Variants in PARD3B observed in about 807,000 individuals in gnomAD.
PARD3B encodes partitioning defective 3 homolog B.
In PARD3B, 103 loss-of-function variants were observed where a neutral mutation model predicts 130.2. That is an observed-to-expected ratio of 0.79 (90% CI 0.67 to 0.93). PARD3B has a LOEUF of 0.93. Ranked by LOEUF, PARD3B falls within the 40% of genes least tolerant of loss-of-function variation. PARD3B has a pLI of 0.00. For synonymous variants in PARD3B, 583 were observed against 553.2 expected (o/e 1.05, Z -0.76); for missense variants, 1,609 against 1,499.2 (o/e 1.07, Z -1.21).
intron 2 of PARD3B, among the ~76,000 whole-genome samples, chr2:204,877,049 A>AATACT: frequency 6.6e-6 from 1 of 152,156 alleles, no homozygotes; most frequent in South Asian, 2.1e-4. Context: ...TGCACCATGG[A>AATACT]ATACTATGCA....
intron 1 of PARD3B, among the ~76,000 whole-genome samples, chr2:204,598,881 A>G (rs969503500): frequency 6.6e-6 from 1 of 151,848 alleles, no homozygotes; most frequent in African/African-American, 2.4e-5. Context: ...TTGGTAAGAG[A>G]TCCTGTCAAT....
At chr2:204,894,415 G>T (rs1214893106) in intron 2 of PARD3B, among the ~76,000 whole-genome samples, 2 of 151,360 alleles carry the variant, frequency 1.3e-5, no homozygotes, top group Non-Finnish European at 2.9e-5. Flanking sequence ...AACAAAACAT[G>T]AAAGATATTA....
intron 2 of PARD3B, among the ~76,000 whole-genome samples, chr2:204,913,993 G>A (rs887398781): frequency 5.9e-5 from 9 of 152,202 alleles, no homozygotes; most frequent in African/African-American, 2.2e-4. Context: ...TGTGCCCTCA[G>A]TAAGGGTCAG....
At chr2:204,934,698 C>T (rs1321389868) in intron 2 of PARD3B, among the ~76,000 whole-genome samples, 1 of 152,054 alleles carries the variant, frequency 6.6e-6, no homozygotes, top group South Asian at 2.1e-4. Context: ...TACACACTAA[C>T]ATGTAAAACT....
intron 3 of PARD3B, among the ~76,000 whole-genome samples, chr2:204,994,219 T>C (rs1693953969): frequency 7.5e-6 from 1 of 133,500 alleles, no homozygotes; most frequent in Non-Finnish European, 1.6e-5. Context: ...AGGCATTTAG[T>C]GCTATAAATT....
rs10707308 is a variant in PARD3B, at chr2:205,249,006, G to GTTTTTTTTTTTTTTTT, written c.2185+3190_2185+3205dup. 1.7e-4 allele frequency among the ~76,000 whole-genome samples: 16 copies of GTTTTTTTTTTTTTTTT among 95,100 alleles called. 1 individual carries two copies. The highest frequency in any genetic ancestry group is 7.5e-4 in the African/African-American group (16 of 21,474). 62.4% of individuals were successfully genotyped at this position (95,100 alleles called of 152,430 possible). ...TCAGAATATTTAGGTTAAAATAAGAGTTTTTTTTTTTTTTTTTTTTTGAGA... is the reference window on the plus strand; with the variant it reads ...TCAGAATATTTAGGTTAAAATAAGAGTTTTTTTTTTTTTTTTTTTTTTTTTTTTTTTTTTTTTGAGA... On this transcript the variant is annotated intron_variant, in intron 16 of 22. Coordinates refer to ENST00000406610, the MANE Select transcript of PARD3B (RefSeq NM_001302769.2).
intron 1 of PARD3B, among the ~76,000 whole-genome samples, chr2:204,556,522 G>C (rs2125049576): frequency 6.6e-6 from 1 of 152,274 alleles, no homozygotes; most frequent in East Asian, 1.9e-4. Flanking sequence ...CGTTTTGAAA[G>C]ATGATGAAGA....
Position 205,584,859 on chromosome 2 carries a change from GAA to G in PARD3B, c.3261-30594_3261-30593del, listed in dbSNP as rs555606281. 2.6e-5 allele frequency among the ~76,000 whole-genome samples: 4 copies of G among 151,988 alleles called. No individual in the cohort carries two copies. The highest frequency in any genetic ancestry group is 6.6e-5 in the Admixed American group (1 of 15,242). On this transcript the variant is annotated intron_variant, in intron 22 of 22. Coordinates refer to ENST00000406610, the MANE Select transcript of PARD3B (RefSeq NM_001302769.2). The surrounding 1 kb of genome is among the most constrained non-coding windows in gnomAD (Gnocchi z 5.5). ...TGTTCAGCCTGAGCCTTCTTTTTTG[GAA>G]AACACTTTTTTCCCCTTAGATTGTA...
intron 18 of PARD3B, among the ~76,000 whole-genome samples, chr2:205,342,178 A>G (rs2043566429): frequency 6.6e-6 from 1 of 152,208 alleles, no homozygotes; most frequent in Non-Finnish European, 1.5e-5. Context: ...TAGTATATTC[A>G]ATTAATATTT....
intron 21 of PARD3B, among the ~76,000 whole-genome samples, chr2:205,529,135 G>GT (rs1351779529): frequency 1.3e-5 from 2 of 152,180 alleles, no homozygotes; most frequent in Non-Finnish European, 2.9e-5. Flanking sequence ...ACACATAACT[G>GT]TTTATCAGAA....
rs529801851 is a variant in PARD3B, at chr2:205,286,161, G to C, written c.2186-14369G>C. Among the ~76,000 whole-genome samples, 326 of 151,180 alleles carry C rather than the reference G, an allele frequency of 2.2e-3. 2 individuals are homozygous for C. The highest frequency in any genetic ancestry group is 3.3e-3 in the Non-Finnish European group (222 of 67,738). On this transcript the variant is annotated intron_variant, in intron 16 of 22. Coordinates refer to ENST00000406610, the MANE Select transcript of PARD3B (RefSeq NM_001302769.2). Reference sequence around the variant, plus strand: ...ACAAAACAGTTTTTTTTTCTTTTTTGGGGGAGTATTAGCAGTGAACCAAGT... The same window carrying C: ...ACAAAACAGTTTTTTTTTCTTTTTTCGGGGAGTATTAGCAGTGAACCAAGT...
chr2:205,596,082 G>C (rs1049561350), intron 22 of PARD3B, among the ~76,000 whole-genome samples: 6 of 152,158 alleles, frequency 3.9e-5, no homozygotes, highest in Admixed American at 3.9e-4. Context: ...CTGGATTACA[G>C]CAAAAGGAGA....
intron 21 of PARD3B, among the ~76,000 whole-genome samples, chr2:205,541,398 G>T (rs1425102557): frequency 1.4e-5 from 2 of 147,504 alleles, no homozygotes; most frequent in East Asian, 4.0e-4. Context: ...GCCCAGGCTG[G>T]AATGCAATGG....
chr2:205,032,260 C>G (rs1473831569), intron 3 of PARD3B, among the ~76,000 whole-genome samples: 4 of 151,908 alleles, frequency 2.6e-5, no homozygotes, highest in African/African-American at 7.3e-5. Context: ...TGTAATGGGC[C>G]TATCTAGTAG....
In PARD3B at chr2:205,619,125, A is replaced by G. The variant is rs2055523250; in HGVS notation, c.*3312A>G. 1 of 152,194 alleles carries G rather than the reference A, an allele frequency of 6.6e-6. No individual in the cohort carries two copies. Among genetic ancestry groups the G allele is most frequent in the Non-Finnish European group, 1.5e-5 (1 of 68,042 alleles). 9.4% of individuals were successfully genotyped at this position (152,194 alleles called of 1,614,324 possible). A position where few individuals can be genotyped will look rare whatever the true frequency, so the allele number is the denominator to read the frequency against. On this transcript the variant is annotated 3_prime_UTR_variant, in exon 23 of 23. Transcript: ENST00000406610. The stretch of plus-strand genomic sequence containing the variant: ...TCCACCAAGTCAATCAAATTAAAAC[A>G]TGACTCATTGTCCCCTCCAAAGATT...
chr2:204,697,705 G>A (rs942881765), intron 2 of PARD3B, among the ~76,000 whole-genome samples: 2 of 151,992 alleles, frequency 1.3e-5, no homozygotes, highest in South Asian at 2.1e-4. Context: ...CCTCACATCC[G>A]TTGTCCCCTT....
chr2:205,611,745 C>T (rs2055238214), intron 22 of PARD3B, among the ~76,000 whole-genome samples: 1 of 152,100 alleles, frequency 6.6e-6, no homozygotes, highest in Admixed American at 6.5e-5. Context: ...CAAATATGGG[C>T]TTGTTTCTCT....
chr2:205,231,898 T>G (rs1453840820), intron 15 of PARD3B, among the ~76,000 whole-genome samples: 1 of 152,140 alleles, frequency 6.6e-6, no homozygotes, highest in Non-Finnish European at 1.5e-5. Flanking sequence ...CTACCAAGGC[T>G]AGGCCAAAAG....
At chr2:205,079,475 G>A (rs1231317906) in intron 4 of PARD3B, among the ~76,000 whole-genome samples, 1 of 152,036 alleles carries the variant, frequency 6.6e-6, no homozygotes, top group Admixed American at 6.5e-5. Context: ...AAGGCAGAAG[G>A]GCAAAAAGAG....
Sources: allele counts gnomAD v4.1 joint callset (sites outside exome capture counted in the v4.1 genomes callset), GRCh38; gene constraint gnomAD v4.1.1; non-coding constraint Gnocchi (gnomAD v3.1); transcripts MANE v1.5; gene names NCBI Gene and HGNC (gene_info 2026-07-23, HGNC 2026-07-21).